Variants in PTPN4 observed in about 807,000 individuals in gnomAD.
PTPN4 encodes tyrosine-protein phosphatase non-receptor type 4.
In PTPN4, 49 loss-of-function variants were observed where a neutral mutation model predicts 135.5. That is an observed-to-expected ratio of 0.36 (90% confidence interval 0.29 to 0.46). PTPN4 has a LOEUF of 0.46. PTPN4 is among the 20% of genes least tolerant of loss of function. The pLI, the probability that PTPN4 is intolerant of heterozygous loss-of-function variation, is 1.00. For synonymous variants in PTPN4, 333 were observed against 369.9 expected (o/e 0.90, Z 1.14); for missense variants, 860 against 1,101.0 (o/e 0.78, Z 3.10).
intron 2 of PTPN4, among the ~76,000 whole-genome samples, chr2:119,824,145 G>A (rs191753808): frequency 6.6e-6 from 1 of 152,104 alleles, no homozygotes; most frequent in East Asian, 1.9e-4. Flanking sequence ...TTTCAATTCT[G>A]TTATGGCTAG....
At chr2:119,782,734 C>G (rs1690965397) in intron 1 of PTPN4, among the ~76,000 whole-genome samples, 1 of 118,252 alleles carries the variant, frequency 8.5e-6, no homozygotes, top group African/African-American at 3.2e-5. Context: ...TTGAGACGAC[C>G]TCACTCTGTC....
Position 119,834,106 on chromosome 2 carries a change from G to A in PTPN4, c.138+24115G>A, listed in dbSNP as rs567181149. On this transcript the variant is annotated intron_variant, in intron 2 of 26. Transcript: ENST00000263708. ...AGGGTGCATGTTACATGCATAGAAT[G>A]TGTAATGATTAAGTCAATGTTTAGA... 1.4e-3 allele frequency among the ~76,000 whole-genome samples: 215 copies of A among 152,290 alleles called. 9 individuals are homozygous for A. The highest frequency in any genetic ancestry group is 0.014 in the Admixed American group (212 of 15,300).
chr2:119,867,154 A>G (rs1484385757), intron 3 of PTPN4, among the ~76,000 whole-genome samples: 2 of 152,174 alleles, frequency 1.3e-5, no homozygotes, highest in East Asian at 3.8e-4. Flanking sequence ...GCATTACATG[A>G]TATCATGAAA....
chr2:119,924,136 C>CAAAAAAA, intron 12 of PTPN4, among the ~76,000 whole-genome samples: 1 of 77,272 alleles, frequency 1.3e-5, no homozygotes, highest in Non-Finnish European at 2.7e-5. Context: ...GACTCCGTCT[C>CAAAAAAA]AAAAAAAAAA....
At chr2:119,965,775 G>A in intron 25 of PTPN4, 130 bp downstream of exon 25, 1 of 1,078,850 alleles carries the variant, frequency 9.3e-7, no homozygotes, top group South Asian at 1.8e-5. Context: ...TGCTCTGAAG[G>A]TAGGAGGCAA....
At chr2:119,936,558 T>C (rs539649827) in intron 15 of PTPN4, among the ~76,000 whole-genome samples, 14 of 152,324 alleles carry the variant, frequency 9.2e-5, no homozygotes, top group African/African-American at 3.1e-4. Flanking sequence ...TGCCGCCCTG[T>C]GAAGAGGTGC....
At chr2:119,968,944 CTG>C in intron 26 of PTPN4, among the ~76,000 whole-genome samples, 1 of 152,258 alleles carries the variant, frequency 6.6e-6, no homozygotes, top group South Asian at 2.1e-4. Flanking sequence ...GATTAAGACA[CTG>C]TGAAATAATA....
chr2:119,881,248 C>T (rs1018875841), intron 5 of PTPN4, among the ~76,000 whole-genome samples: 3 of 152,198 alleles, frequency 2.0e-5, no homozygotes, highest in Non-Finnish European at 2.9e-5. Context: ...TCCCCTGCCC[C>T]GCCAATCAAA....
chr2:119,765,082 G>A (rs927385052), intron 1 of PTPN4, among the ~76,000 whole-genome samples: 21 of 152,130 alleles, frequency 1.4e-4, no homozygotes, highest in African/African-American at 4.8e-4. Context: ...AAAAGCCTTG[G>A]GCAAAGTGTC....
chr2:119,792,325 C>A (rs948994657), intron 1 of PTPN4, among the ~76,000 whole-genome samples: 1 of 152,052 alleles, frequency 6.6e-6, no homozygotes, highest in Non-Finnish European at 1.5e-5. Flanking sequence ...CCTATATTTC[C>A]TGGTACCTAC....
chr2:119,807,723 T>A (rs949961170), intron 1 of PTPN4, among the ~76,000 whole-genome samples: 2 of 152,208 alleles, frequency 1.3e-5, no homozygotes, highest in Admixed American at 6.5e-5. Context: ...TAACTCATTT[T>A]ATGAGGCCAG....
chr2:119,946,739 T>G (rs1679140371), intron 18 of PTPN4, 165 bp downstream of exon 18: 1 of 577,602 alleles, frequency 1.7e-6, no homozygotes, highest in Admixed American at 3.6e-5. Flanking sequence ...TAGTTTTGAC[T>G]TGTTCTCTGT....
chr2:119,778,741 TA>T (rs1475037881), intron 1 of PTPN4, among the ~76,000 whole-genome samples: 1 of 152,210 alleles, frequency 6.6e-6, no homozygotes, highest in African/African-American at 2.4e-5. Context: ...ATAGTTAATA[TA>T]AAATCTATTT....
chr2:119,975,374 C>T (rs983350278), intron 26 of PTPN4, among the ~76,000 whole-genome samples: 1 of 152,196 alleles, frequency 6.6e-6, no homozygotes, highest in Admixed American at 6.5e-5. Flanking sequence ...CCTTGGCCTA[C>T]GAGAGTGCTG....
chr2:119,979,127 A>G lies in PTPN4; in HGVS notation c.*2057A>G, dbSNP rs565583307. 1 of 152,230 alleles carries G rather than the reference A, an allele frequency of 6.6e-6. No homozygotes were observed. Among genetic ancestry groups the G allele is most frequent in the Non-Finnish European group, 1.5e-5 (1 of 67,944 alleles). The allele number at this position is 152,230 out of a possible 1,614,324, so 9.4% of individuals were successfully genotyped here. ...TGCTATATGACATGATAAATTAAAA[A>G]CTGAGAAAGTAAAATTATGTCGGGG... On this transcript the variant is annotated 3_prime_UTR_variant, in exon 27 of 27. Transcript: ENST00000263708.
intron 18 of PTPN4, 184 bp downstream of exon 18, chr2:119,946,758 A>G (rs1016178032): frequency 8.0e-6 from 4 of 501,004 alleles, no homozygotes; most frequent in Admixed American, 3.9e-5. Flanking sequence ...GTAAGTATTT[A>G]AAATCCCTGT....
At chr2:119,973,095 A>AT (rs570967011) in intron 26 of PTPN4, among the ~76,000 whole-genome samples, 13 of 152,104 alleles carry the variant, frequency 8.5e-5, no homozygotes, top group Middle Eastern at 3.4e-3. Context: ...GTATACTTAC[A>AT]TTTTTTTGCA....
chr2:119,789,702 A>G (rs1248498890), intron 1 of PTPN4, among the ~76,000 whole-genome samples: 1 of 151,936 alleles, frequency 6.6e-6, no homozygotes, highest in African/African-American at 2.4e-5. Context: ...AAATTTTCCT[A>G]ATTTCCTGTT....
At chr2:119,838,135 A>T (rs762046823) in intron 2 of PTPN4, among the ~76,000 whole-genome samples, 19 of 152,332 alleles carry the variant, frequency 1.2e-4, no homozygotes, top group East Asian at 5.8e-4. Flanking sequence ...ACTTTTTTTT[A>T]AAATACTTTT....
Sources: allele counts gnomAD v4.1 joint callset (sites outside exome capture counted in the v4.1 genomes callset), GRCh38; gene constraint gnomAD v4.1.1; transcripts MANE v1.5; gene names NCBI Gene and HGNC (gene_info 2026-07-23, HGNC 2026-07-21).